The following NCBP1 variants were observed in gnomAD, a reference collection of about 807,000 sequenced individuals.
NCBP1 encodes nuclear cap binding protein subunit 1, also known as nuclear cap-binding protein subunit 1.
A neutral mutation model predicts 111.7 loss-of-function variants in NCBP1; 16 were observed. The ratio of observed to expected loss-of-function variants is 0.14; its 90% CI spans 0.10 to 0.22. NCBP1 has a LOEUF of 0.22. Ranked by LOEUF, NCBP1 falls within the 10% of genes least tolerant of loss-of-function variation. The probability of loss-of-function intolerance (pLI) is 1.00; values close to 1 mark genes in which losing one functional copy is unlikely to be tolerated. For synonymous variants in NCBP1, 304 were observed against 314.3 expected, an observed-to-expected ratio of 0.97 and a Z score of 0.35; for missense variants, 607 against 957.5, an observed-to-expected ratio of 0.63 and a Z score of 4.83.
chr9:97,669,275 C>A (rs1828105119), intron 21 of NCBP1, among the ~76,000 whole-genome samples: 1 of 151,862 alleles, frequency 6.6e-6, no homozygotes, highest in Admixed American at 6.6e-5. Flanking sequence ...GATCATTTTC[C>A]TTCCATGAAC....
At chr9:97,653,313 G>A (rs1157098445) in intron 10 of NCBP1, among the ~76,000 whole-genome samples, 1 of 152,058 alleles carries the variant, frequency 6.6e-6, no homozygotes, top group Non-Finnish European at 1.5e-5. Flanking sequence ...TAGAGACAGA[G>A]TTTCACCGTG....
intron 20 of NCBP1, among the ~76,000 whole-genome samples, chr9:97,668,479 C>T (rs1177421498): frequency 6.6e-6 from 1 of 152,112 alleles, no homozygotes; most frequent in Non-Finnish European, 1.5e-5. Context: ...ATAGGACTTG[C>T]CCAGTTTTTC....
In NCBP1 at chr9:97,635,320, G is replaced by C. The variant is rs942223787; in HGVS notation, c.34+1405G>C. 6.6e-5 allele frequency among the ~76,000 whole-genome samples: 10 copies of C among 152,122 alleles called. 1 individual carries two copies. In the East Asian group the frequency reaches 1.4e-3, roughly 21 times the overall value. On this transcript the variant is annotated intron_variant, in intron 1 of 22. Transcript: ENST00000375147. ...GTCCGGGGCTCTCTTCACTACACAG[G>C]TATAAATTAAATAACTATGCTGCGT...
chr9:97,635,829 T>A (rs1827006483), intron 1 of NCBP1: 1 of 152,214 alleles, frequency 6.6e-6, no homozygotes, highest in African/African-American at 2.4e-5. Flanking sequence ...TTTTCTTTGT[T>A]GTTCTAATGC....
At chr9:97,648,893 G>C (rs1182814125) in intron 8 of NCBP1, among the ~76,000 whole-genome samples, 1 of 152,088 alleles carries the variant, frequency 6.6e-6, no homozygotes, top group African/African-American at 2.4e-5. Flanking sequence ...GTAGAGTTGA[G>C]ATTTCGCCAT....
chr9:97,647,439 G>C (rs539128010), intron 6 of NCBP1, 53 bp from the exon 7 acceptor site: 28 of 1,367,636 alleles, frequency 2.0e-5, no homozygotes, highest in Non-Finnish European at 2.7e-5. Flanking sequence ...GAGGGTGACT[G>C]AGCATCTCTT....
At chr9:97,639,257 C>CCCTGTA in intron 1 of NCBP1, among the ~76,000 whole-genome samples, 1 of 152,246 alleles carries the variant, frequency 6.6e-6, no homozygotes, top group Admixed American at 6.5e-5. Flanking sequence ...AGTTGACGTA[C>CCCTGTA]AGAGTGTCTT....
At chr9:97,651,077 A>G (rs913583982) in intron 9 of NCBP1, among the ~76,000 whole-genome samples, 3 of 152,136 alleles carry the variant, frequency 2.0e-5, no homozygotes, top group Non-Finnish European at 4.4e-5. Context: ...ATGCTTCCTT[A>G]GTATTATTAC....
At chr9:97,662,815 C>A in intron 17 of NCBP1, 139 bp from the exon 18 acceptor site, 1 of 613,782 alleles carries the variant, frequency 1.6e-6, no homozygotes. Flanking sequence ...ACACTTTTTG[C>A]ATCCTTAATG....
intron 12 of NCBP1, 50 bp downstream of exon 12, chr9:97,654,994 G>T (rs778028236): frequency 4.4e-6 from 6 of 1,362,402 alleles, no homozygotes; most frequent in Non-Finnish European, 5.9e-6. Context: ...TTTACTTCCT[G>T]TACTTCATAA....
At chr9:97,646,345 C>T (rs549605496) in intron 6 of NCBP1, among the ~76,000 whole-genome samples, 29 of 152,180 alleles carry the variant, frequency 1.9e-4, no homozygotes, top group Non-Finnish European at 3.7e-4. Context: ...TTGTTAGATA[C>T]AATAATAATA....
intron 14 of NCBP1, 127 bp from the exon 15 acceptor site, chr9:97,658,513 C>G: frequency 1.5e-6 from 1 of 685,688 alleles, no homozygotes. Context: ...ATTTTTTTTT[C>G]CCTTTCACTT....
In NCBP1 at chr9:97,640,896, T is replaced by C; in HGVS notation, c.123+14T>C. The C allele has an allele frequency of 1.3e-6, 2 of 1,559,972 alleles. No homozygotes were observed. The highest frequency in any genetic ancestry group is 1.8e-6 in the Non-Finnish European group (2 of 1,137,218). ...GTAGGAGAAAAGGTATGTCACACAA[T>C]AGGCACAGGCTGTGATGGGTTTAAG... On this transcript the variant is annotated intron_variant, in intron 2 of 22. Coordinates refer to ENST00000375147, the MANE Select transcript of NCBP1 (RefSeq NM_002486.5).
intron 8 of NCBP1, among the ~76,000 whole-genome samples, chr9:97,649,237 A>G (rs954196339): frequency 1.3e-5 from 2 of 152,174 alleles, no homozygotes; most frequent in African/African-American, 4.8e-5. Context: ...TTGTACTGTT[A>G]TAATTGTATA....
chr9:97,637,163 G>C (rs897815605), intron 1 of NCBP1, among the ~76,000 whole-genome samples: 2 of 152,124 alleles, frequency 1.3e-5, no homozygotes, highest in African/African-American at 4.8e-5. Context: ...TTATACTTCT[G>C]TGTTGAGACT....
intron 17 of NCBP1, among the ~76,000 whole-genome samples, chr9:97,662,466 GA>G (rs1036617687): frequency 6.6e-6 from 1 of 152,178 alleles, no homozygotes; most frequent in African/African-American, 2.4e-5. Context: ...AATGTAAGAA[GA>G]AATTAGAATC....
intron 4 of NCBP1, 106 bp from the exon 5 acceptor site, chr9:97,645,011 G>A: frequency 3.8e-6 from 3 of 790,262 alleles, no homozygotes; most frequent in Non-Finnish European, 6.3e-6. Flanking sequence ...TCAGCCCTTA[G>A]GCTATAGTTT....
intron 1 of NCBP1, among the ~76,000 whole-genome samples, chr9:97,634,253 G>A (rs749473612): frequency 5.9e-5 from 9 of 152,206 alleles, no homozygotes; most frequent in Non-Finnish European, 1.2e-4. Flanking sequence ...GCCTCTTAGG[G>A]ACCCACTGGT....
chr9:97,663,947 G>C (rs1827915299), intron 18 of NCBP1, among the ~76,000 whole-genome samples: 1 of 151,796 alleles, frequency 6.6e-6, no homozygotes, highest in Non-Finnish European at 1.5e-5. Flanking sequence ...GGGAGGCCGA[G>C]ATGGATGGAT....
Sources: gnomAD v4.1 joint callset for allele counts (sites outside exome capture counted in the v4.1 genomes callset) on GRCh38, gnomAD v4.1.1 for gene constraint, MANE v1.5 for transcripts, NCBI Gene and HGNC (gene_info 2026-07-23, HGNC 2026-07-21) for gene names.